AGBL4: variants seen among roughly 807,000 people sequenced by gnomAD.
AGBL4 encodes the protein cytosolic carboxypeptidase 6.
A neutral mutation model predicts 66.4 loss-of-function variants in AGBL4; 58 were observed. That is an observed-to-expected ratio of 0.87 (90% CI 0.71 to 1.09). The LOEUF is 1.09. Ranked by LOEUF, AGBL4 falls within the 50% of genes least tolerant of loss-of-function variation. The probability of loss-of-function intolerance (pLI) is 0.00; values close to 1 mark genes in which losing one functional copy is unlikely to be tolerated. For missense variants in AGBL4, 579 were observed against 631.0 expected (o/e 0.92, Z 0.88); for synonymous variants, 234 against 222.9 (o/e 1.05, Z -0.44).
At chr1:49,578,908 T>C (rs1478734559) in intron 3 of AGBL4, among the ~76,000 whole-genome samples, 1 of 152,146 alleles carries the variant, frequency 6.6e-6, no homozygotes, top group Non-Finnish European at 1.5e-5. Flanking sequence ...TCTGTGAAGG[T>C]GTTGCCAAAA....
chr1:49,325,730 T>C (rs538705494), intron 3 of AGBL4, among the ~76,000 whole-genome samples: 8 of 152,348 alleles, frequency 5.3e-5, no homozygotes, highest in African/African-American at 1.9e-4. Flanking sequence ...TAATCCCCAA[T>C]GTTGCAGATG....
intron 2 of AGBL4, among the ~76,000 whole-genome samples, chr1:49,783,717 C>T (rs75825855): frequency 0.035 from 5,391 of 152,106 alleles, 134 homozygotes; most frequent in East Asian, 0.057. Context: ...GAAATGATCT[C>T]TATTTGCAAA....
At chr1:48,763,441 A>C (rs897553593) in intron 6 of AGBL4, among the ~76,000 whole-genome samples, 1 of 152,194 alleles carries the variant, frequency 6.6e-6, no homozygotes, top group Non-Finnish European at 1.5e-5. Context: ...AAAGTACTTC[A>C]GATGAAATTA....
chr1:49,077,664 CAAGTT>C (rs1314230512), intron 4 of AGBL4, among the ~76,000 whole-genome samples: 3 of 152,028 alleles, frequency 2.0e-5, no homozygotes, highest in Non-Finnish European at 4.4e-5. Context: ...TTTTCCAAGT[CAAGTT>C]ATTTCTTTCA....
intron 3 of AGBL4, among the ~76,000 whole-genome samples, chr1:49,440,069 CTTT>C (rs34024621): frequency 1.6e-5 from 2 of 123,534 alleles, no homozygotes; most frequent in African/African-American, 3.1e-5. Flanking sequence ...AAGGACTCTA[CTTT>C]TTTTTTTTTT....
At chr1:48,638,518 CAGTGA>C (rs1163698470) in intron 8 of AGBL4, among the ~76,000 whole-genome samples, 1 of 152,184 alleles carries the variant, frequency 6.6e-6, no homozygotes, top group Non-Finnish European at 1.5e-5. Context: ...CCAGTGATGG[CAGTGA>C]AGTGGTGATA....
At chr1:48,838,895 A>G (rs1281582811) in intron 6 of AGBL4, among the ~76,000 whole-genome samples, 1 of 152,222 alleles carries the variant, frequency 6.6e-6, no homozygotes, top group Admixed American at 6.5e-5. Context: ...TTCTGAAAAG[A>G]AGACATACAA....
intron 3 of AGBL4, among the ~76,000 whole-genome samples, chr1:49,653,223 C>T (rs989410084): frequency 6.6e-6 from 1 of 152,050 alleles, no homozygotes; most frequent in Non-Finnish European, 1.5e-5. Flanking sequence ...CGCAGCAACC[C>T]TAAGGAAGAG....
At chr1:49,766,588 T>C (rs138710049) in intron 2 of AGBL4, among the ~76,000 whole-genome samples, 1 of 151,896 alleles carries the variant, frequency 6.6e-6, no homozygotes, top group East Asian at 1.9e-4. Flanking sequence ...AATATTACCT[T>C]GAATGAAAAT....
At chr1:49,773,569 A>C (rs965936407) in intron 2 of AGBL4, among the ~76,000 whole-genome samples, 2 of 152,130 alleles carry the variant, frequency 1.3e-5, no homozygotes, top group African/African-American at 4.8e-5. Flanking sequence ...AACACCTGTG[A>C]TATCTCAGTG....
chr1:49,631,066 A>C (rs563429014), intron 3 of AGBL4, among the ~76,000 whole-genome samples: 1 of 152,248 alleles, frequency 6.6e-6, no homozygotes, highest in African/African-American at 2.4e-5. Context: ...AGTTCTTACA[A>C]GAGATGGGTG....
intron 2 of AGBL4, among the ~76,000 whole-genome samples, chr1:49,758,173 T>C (rs1239488722): frequency 6.6e-6 from 1 of 152,188 alleles, no homozygotes; most frequent in Non-Finnish European, 1.5e-5. Context: ...ATGTTAGTCC[T>C]GCGGGTGCAC....
intron 3 of AGBL4, among the ~76,000 whole-genome samples, chr1:49,652,109 G>A (rs1207665375): frequency 1.3e-5 from 2 of 152,056 alleles, no homozygotes; most frequent in African/African-American, 2.4e-5. Context: ...AGAGCTTGAA[G>A]GCCAGTCTTT....
chr1:48,550,896 T>C (rs565906039), intron 11 of AGBL4, among the ~76,000 whole-genome samples: 1 of 152,340 alleles, frequency 6.6e-6, no homozygotes, highest in South Asian at 2.1e-4. Flanking sequence ...TCAAGGGCAA[T>C]GTTGCCTACC....
intron 3 of AGBL4, among the ~76,000 whole-genome samples, chr1:49,404,494 A>T (rs1467043388): frequency 6.6e-6 from 1 of 152,216 alleles, no homozygotes; most frequent in East Asian, 1.9e-4. Context: ...GAGCAGACAG[A>T]TACATCATTG....
intron 4 of AGBL4, among the ~76,000 whole-genome samples, chr1:49,139,204 A>G (rs1646069821): frequency 1.3e-5 from 2 of 152,026 alleles, no homozygotes; most frequent in African/African-American, 4.8e-5. Context: ...ACAGAACCAA[A>G]CCATATCAGG....
At chr1:49,337,860 C>T (rs1350463200) in intron 3 of AGBL4, among the ~76,000 whole-genome samples, 1 of 152,182 alleles carries the variant, frequency 6.6e-6, no homozygotes, top group East Asian at 1.9e-4. Flanking sequence ...TGCCAATCTC[C>T]ACTGGGTCCT....
chr1:48,537,569 G>C (rs1643994008), intron 12 of AGBL4, among the ~76,000 whole-genome samples: 1 of 152,150 alleles, frequency 6.6e-6, no homozygotes, highest in African/African-American at 2.4e-5. Flanking sequence ...ACATGACTCT[G>C]ACCAGCTCCT....
intron 2 of AGBL4, among the ~76,000 whole-genome samples, chr1:49,702,610 T>C (rs1486972259): frequency 6.6e-6 from 1 of 151,998 alleles, no homozygotes; most frequent in Non-Finnish European, 1.5e-5. Context: ...TAAAATCAGA[T>C]GGAGAGATCA....
Sources: allele counts gnomAD v4.1 joint callset (sites outside exome capture counted in the v4.1 genomes callset), GRCh38; gene constraint gnomAD v4.1.1; transcripts MANE v1.5; gene names NCBI Gene and HGNC (gene_info 2026-07-23, HGNC 2026-07-21).